Variants in VWF observed in about 807,000 individuals in gnomAD.
VWF encodes von Willebrand factor, also known as Factor VIII related antigen.
In VWF, 176 loss-of-function variants were observed where a neutral mutation model predicts 308.6. The observed-to-expected ratio is 0.57, with a 90% CI of 0.50 to 0.65. The LOEUF (loss-of-function observed/expected upper bound fraction) is 0.65. Among genes scored for constraint, VWF ranks in the 30% least tolerant of loss-of-function variants. VWF has a pLI of 0.00. For missense variants in VWF, 3,146 were observed against 3,648.2 expected (o/e 0.86, Z 3.55); for synonymous variants, 1,385 against 1,443.4 (o/e 0.96, Z 0.92).
intron 34 of VWF, among the ~76,000 whole-genome samples, chr12:6,006,704 G>A (rs374915688): frequency 1.3e-5 from 2 of 152,064 alleles, no homozygotes; most frequent in East Asian, 1.9e-4. Context: ...ACTTGAACCC[G>A]GGAGGCAGAG....
At chr12:6,092,301 T>A (rs1389720703) in intron 6 of VWF, among the ~76,000 whole-genome samples, 14 of 151,846 alleles carry the variant, frequency 9.2e-5, no homozygotes, top group Non-Finnish European at 1.9e-4. Flanking sequence ...TCCTAAGAGT[T>A]AAACAGAACT....
rs534005857 is a variant in VWF at position 5,993,985 on chromosome 12, A to G, written c.6475T>C (p.Phe2159Leu). ...ECHKVLAPAT[F>L]YAICQQDSCH... Reference sequence around the variant, plus strand: ...CTGTCCTGCTGGCAGATGGCATAGAATGTGGCTGGAGCCAGGACCTTGTGG... The same window carrying G: ...CTGTCCTGCTGGCAGATGGCATAGAGTGTGGCTGGAGCCAGGACCTTGTGG... Residue 2159 changes from phenylalanine to leucine, a missense_variant, in exon 37 of 52, where the codon TTC becomes CTC. By Grantham distance (22) the Phe-to-Leu change is conservative (BLOSUM62 0). Around this residue, in one of 3 missense-constraint regions of VWF, gnomAD observed 989 missense variants for 1,117.4 expected, o/e 0.89. Transcript: ENST00000261405. 1 of 1,614,164 alleles carries G rather than the reference A, an allele frequency of 6.2e-7. No homozygotes were observed. Among genetic ancestry groups the G allele is most frequent in the African/African-American group, 1.3e-5 (1 of 75,034 alleles).
chr12:6,071,162 G>A (rs534942422), intron 10 of VWF, 135 bp downstream of exon 10: 9 of 978,812 alleles, frequency 9.2e-6, no homozygotes, highest in African/African-American at 4.7e-5. Context: ...CTGGGGTCAC[G>A]TGGTTGCAGC....
chr12:6,030,046 C>A (rs1944241473), intron 21 of VWF, among the ~76,000 whole-genome samples: 1 of 152,196 alleles, frequency 6.6e-6, no homozygotes, highest in African/African-American at 2.4e-5. Context: ...AGGGCTCTGA[C>A]CTGAGCCTCT....
At chr12:5,979,615 T>C (rs184897215) in intron 42 of VWF, among the ~76,000 whole-genome samples, 7 of 150,234 alleles carry the variant, frequency 4.7e-5, no homozygotes, top group Non-Finnish European at 8.9e-5. Flanking sequence ...CTGGGTGTGG[T>C]GGTGTGCGCC....
Position 6,071,310 on chromosome 12 carries a change from A to C in VWF, c.1143T>G (p.Asn381Lys). The change falls in exon 10 of 52, where the codon AAT becomes AAG. Residue 381 changes from asparagine to lysine, a missense_variant. This residue lies in a region of VWF where 1,304 missense variants were observed against 1,353.0 expected (regional missense o/e 0.96). Coordinates refer to ENST00000261405, the MANE Select transcript of VWF (RefSeq NM_000552.5). ...CAGGTCGCCTACCTGGACATTCTTCATTGCTGCAGATCCACTGGCTGTTTC... is the reference window on the plus strand; with the variant it reads ...CAGGTCGCCTACCTGGACATTCTTCCTTGCTGCAGATCCACTGGCTGTTTC... ...ICRNSQWICSNEECPGECLVT... is the reference protein window; with the variant it reads ...ICRNSQWICSKEECPGECLVT... The C allele has an allele frequency of 6.2e-7, 1 of 1,614,188 alleles. No individual in the cohort carries two copies. The highest frequency in any genetic ancestry group is 8.5e-7 in the Non-Finnish European group (1 of 1,180,038).
At chr12:5,958,739 G>T (rs1943278519) in intron 47 of VWF, among the ~76,000 whole-genome samples, 1 of 152,096 alleles carries the variant, frequency 6.6e-6, no homozygotes. Context: ...AGGGGAAGCA[G>T]GGAAAGGATT....
At chr12:6,048,360 GT>G (rs1395895361) in intron 16 of VWF, among the ~76,000 whole-genome samples, 1 of 152,048 alleles carries the variant, frequency 6.6e-6, no homozygotes, top group Non-Finnish European at 1.5e-5. Context: ...TAGAGACGGG[GT>G]TTCCCCATGT....
At chr12:6,085,940 C>T (rs1176486816) in intron 6 of VWF, among the ~76,000 whole-genome samples, 1 of 152,116 alleles carries the variant, frequency 6.6e-6, no homozygotes, top group East Asian at 1.9e-4. Flanking sequence ...GGGAAATCTG[C>T]AAAACCCCAT....
chr12:6,103,061 C>T (rs1192983827), intron 5 of VWF, among the ~76,000 whole-genome samples: 1 of 152,156 alleles, frequency 6.6e-6, no homozygotes, highest in East Asian at 1.9e-4. Context: ...GGCGTGGTGG[C>T]TCATGCCTGT....
chr12:6,076,516 GATCCCCATGATTTCTT>G (rs1194647720), intron 6 of VWF, among the ~76,000 whole-genome samples: 224 of 152,282 alleles, frequency 1.5e-3, no homozygotes, highest in African/African-American at 5.0e-3. Context: ...GGATATATAT[GATCCCCATGATTTCTT>G]TCTTGCATAA....
rs751433166 is a variant in VWF, at chr12:5,996,199, G to T, written c.5866C>A (p.Arg1956=). 8 of 1,613,038 alleles carry T rather than the reference G, an allele frequency of 5.0e-6. No individual in the cohort carries two copies. Among genetic ancestry groups the T allele is most frequent in the Non-Finnish European group, 5.1e-6 (6 of 1,179,666 alleles). The change falls in exon 35 of 52, where the codon CGG becomes AGG. Residue 1956 remains arginine (R), a synonymous_variant. Transcript: ENST00000261405. ...TGCCCATCAAAGGTCACGATGTGCC[G>T]AGTGGAGCTGCCTGTGCACACGCCT... is the stretch of plus-strand genomic sequence containing the variant. ...CPCVCTGSST[R]HIVTFDGQNF...
At position 5,976,160 on chromosome 12, in the gene VWF, A is replaced by T. The variant is rs1271686320; in HGVS notation, c.7388T>A (p.Leu2463His). 6.2e-7 allele frequency: 1 copy of T among 1,613,974 alleles called. No individual in the cohort carries two copies. The highest frequency in any genetic ancestry group is 8.5e-7 in the Non-Finnish European group (1 of 1,180,050). The change falls in exon 43 of 52, where the codon CTC becomes CAC. Residue 2463 changes from leucine (L) to histidine (H), a missense_variant. Around this residue, in one of 3 missense-constraint regions of VWF, gnomAD observed 989 missense variants for 1,117.4 expected, o/e 0.89. Coordinates refer to ENST00000261405, the MANE Select transcript of VWF (RefSeq NM_000552.5). ...CTDMEDAVMG[L>H]RVAQCSQKPC... Reference sequence around the variant, plus strand: ...CTTCTGGGAGCACTGGGCCACGCGGAGGCCCATCACGGCATCCTCCATGTC... The same window carrying T: ...CTTCTGGGAGCACTGGGCCACGCGGTGGCCCATCACGGCATCCTCCATGTC...
chr12:6,033,202 T>C (rs1257850929), intron 20 of VWF, among the ~76,000 whole-genome samples: 1 of 152,238 alleles, frequency 6.6e-6, no homozygotes, highest in African/African-American at 2.4e-5. Flanking sequence ...AGGTGTTTTA[T>C]TTGTCCTTAT....
intron 42 of VWF, among the ~76,000 whole-genome samples, chr12:5,980,202 CGTAGGTAG>C (rs367588499): frequency 3.7e-3 from 79 of 21,354 alleles, no homozygotes; most frequent in Admixed American, 9.9e-3. Flanking sequence ...AAGGAAGTGA[CGTAGGTAG>C]GTAGGGAGGG....
chr12:6,057,788 G>A (rs998449159), intron 14 of VWF, 61 bp downstream of exon 14: 129 of 1,537,512 alleles, frequency 8.4e-5, no homozygotes, highest in Non-Finnish European at 9.8e-5. Flanking sequence ...GGAACGCACT[G>A]CACTAATGTG....
At chr12:6,015,896 C>G (rs1422439267) in intron 31 of VWF, among the ~76,000 whole-genome samples, 193 bp downstream of exon 31, 1 of 152,158 alleles carries the variant, frequency 6.6e-6, no homozygotes, top group Admixed American at 6.5e-5. Flanking sequence ...TCAATACACA[C>G]TTTTTATTGT....
chr12:6,041,457 T>A (rs938691294), intron 18 of VWF, among the ~76,000 whole-genome samples: 2 of 150,928 alleles, frequency 1.3e-5, no homozygotes, highest in Non-Finnish European at 3.0e-5. Flanking sequence ...AAAAAGAAAT[T>A]TTTTTTTTTG....
intron 15 of VWF, among the ~76,000 whole-genome samples, chr12:6,054,761 T>G (rs966388914): frequency 1.4e-5 from 2 of 146,948 alleles, no homozygotes; most frequent in Non-Finnish European, 3.0e-5. Context: ...AAGTCTGTGC[T>G]CCCTGAGTGT....
Sources: allele counts gnomAD v4.1 joint callset (sites outside exome capture counted in the v4.1 genomes callset), GRCh38; gene constraint gnomAD v4.1.1; regional missense constraint gnomAD v4.1.1; transcripts MANE v1.5; gene names NCBI Gene and HGNC (gene_info 2026-07-23, HGNC 2026-07-21).